The following UNC79 variants were observed in gnomAD, a reference collection of about 807,000 sequenced individuals.
The protein encoded by UNC79 is protein unc-79 homolog.
UNC79 carries 37 observed loss-of-function variants against 283.1 expected under a neutral mutation model. The ratio of observed to expected loss-of-function variants is 0.13; its 90% confidence interval spans 0.10 to 0.17. The LOEUF is 0.17. UNC79 is among the 10% of genes least tolerant of loss of function. UNC79 has a pLI of 1.00. For synonymous variants in UNC79, 1,107 were observed against 1,200.2 expected, an observed-to-expected ratio of 0.92 and a Z score of 1.61; for missense variants, 2,272 against 3,211.1, an observed-to-expected ratio of 0.71 and a Z score of 7.07.
At chr14:93,537,494 A>AGCCC (rs2061149225) in intron 11 of UNC79, among the ~76,000 whole-genome samples, 1 of 152,224 alleles carries the variant, frequency 6.6e-6, no homozygotes, top group Non-Finnish European at 1.5e-5. Context: ...GAATGCGACA[A>AGCCC]GGACAGAGGA....
chr14:93,699,260 C>T (rs2075365225), intron 47 of UNC79, among the ~76,000 whole-genome samples: 2 of 152,056 alleles, frequency 1.3e-5, no homozygotes, highest in South Asian at 4.1e-4. Context: ...TCTTTGTCTC[C>T]TGTCCTCTCT....
intron 1 of UNC79, among the ~76,000 whole-genome samples, chr14:93,380,290 T>C (rs2054640779): frequency 6.6e-6 from 1 of 152,178 alleles, no homozygotes; most frequent in Non-Finnish European, 1.5e-5. Context: ...TATATGTTTG[T>C]TGTAAAAAAT....
In UNC79 at chr14:93,641,276, A is replaced by T. The variant is rs776944408; in HGVS notation, c.5903+29A>T. On this transcript the variant is annotated intron_variant, in intron 33 of 48. Transcript: ENST00000555664. The stretch of plus-strand genomic sequence containing the variant: ...AGCTCGCACAGTTATTTTCTTCACC[A>T]TGTTTACAGAATTTAAGTTTGGTTA... The T allele has an allele frequency of 6.3e-6, 10 of 1,589,806 alleles. No homozygotes were observed. In the African/African-American group the frequency reaches 1.3e-4, roughly 21 times the overall value.
rs148721672 is a variant in UNC79 at position 93,434,836 on chromosome 14, T to C, written c.22+3785T>C. Among the ~76,000 whole-genome samples the C allele has an allele frequency of 3.1e-3, 466 of 152,310 alleles. 3 individuals carry two copies. In the South Asian group the frequency reaches 0.033, roughly 11 times the overall value. On this transcript the variant is annotated intron_variant, in intron 1 of 48. Coordinates refer to ENST00000555664, the Ensembl canonical transcript of UNC79. ...GGACTTAATAAATGTTAACAATTAT[T>C]ATCATCATCATCATCATCAAATATA...
At chr14:93,440,858 T>A (rs529585310) in intron 1 of UNC79, among the ~76,000 whole-genome samples, 1 of 152,300 alleles carries the variant, frequency 6.6e-6, no homozygotes, top group South Asian at 2.1e-4. Context: ...TTTAGTCAGT[T>A]TTTGTGAATA....
Position 93,580,129 on chromosome 14 carries a change from C to CT in UNC79, c.2434-13dup. 1 of 1,594,642 alleles carries CT rather than the reference C, an allele frequency of 6.3e-7. No homozygotes were observed. The highest frequency in any genetic ancestry group is 1.1e-5 in the South Asian group (1 of 88,296). ...TTTTTTGTGTGTGTGTGCGTGTGTC[C>CT]TTTTTTTGATGTCTTTCAGATGGAG... On this transcript the variant is annotated intron_variant, in intron 18 of 48. Transcript: ENST00000555664.
intron 1 of UNC79, among the ~76,000 whole-genome samples, chr14:93,391,574 G>A (rs1461281201): frequency 6.6e-6 from 1 of 152,166 alleles, no homozygotes; most frequent in Non-Finnish European, 1.5e-5. Context: ...TGTAACATAT[G>A]TAACTGACAA....
intron 30 of UNC79, among the ~76,000 whole-genome samples, chr14:93,625,090 A>T (rs1198884780): frequency 6.6e-6 from 1 of 152,152 alleles, no homozygotes; most frequent in Non-Finnish European, 1.5e-5. Flanking sequence ...TAGGAAATTC[A>T]TGGTCCTTCA....
intron 22 of UNC79, among the ~76,000 whole-genome samples, chr14:93,588,104 A>C (rs910470253): frequency 1.2e-4 from 18 of 151,960 alleles, no homozygotes; most frequent in African/African-American, 4.1e-4. Context: ...ATTTTGCCGG[A>C]TGGTGTGGAT....
intron 26 of UNC79, among the ~76,000 whole-genome samples, chr14:93,612,147 C>T (rs879779244): frequency 2.0e-5 from 3 of 152,218 alleles, no homozygotes; most frequent in African/African-American, 4.8e-5. Context: ...GTTCATGCTT[C>T]GCTCTCTTTC....
At chr14:93,684,869 T>C (rs1336558858) in intron 42 of UNC79, among the ~76,000 whole-genome samples, 1 of 152,230 alleles carries the variant, frequency 6.6e-6, no homozygotes, top group Non-Finnish European at 1.5e-5. Context: ...TTGAATATTT[T>C]CAACTTTTTA....
At chr14:93,662,487 CAG>C (rs1289061315) in intron 39 of UNC79, 115 bp from the exon 43 acceptor site, 17 of 694,860 alleles carry the variant, frequency 2.4e-5, no homozygotes, top group Non-Finnish European at 2.1e-5. Context: ...CACTGGGCAA[CAG>C]AGTTTTCAAT....
chr14:93,582,494 A>C, intron 20 of UNC79, 150 bp downstream of exon 20: 1 of 1,214,716 alleles, frequency 8.2e-7, no homozygotes, highest in Non-Finnish European at 1.1e-6. Flanking sequence ...CCAGCGGATT[A>C]TAAAATGAAC....
intron 1 of UNC79, among the ~76,000 whole-genome samples, chr14:93,459,032 T>G (rs2056869283): frequency 6.6e-6 from 1 of 152,184 alleles, no homozygotes; most frequent in Non-Finnish European, 1.5e-5. Flanking sequence ...AAGGCTTCAC[T>G]CAAGGCTGCA....
At chr14:93,373,841 T>A (rs1207227757) in intron 1 of UNC79, among the ~76,000 whole-genome samples, 1 of 152,170 alleles carries the variant, frequency 6.6e-6, no homozygotes, top group African/African-American at 2.4e-5. Context: ...TCAACATAGA[T>A]GCAAAAAACT....
At chr14:93,547,133 T>G (rs79568967) in intron 14 of UNC79, among the ~76,000 whole-genome samples, 1 of 152,146 alleles carries the variant, frequency 6.6e-6, no homozygotes, top group Non-Finnish European at 1.5e-5. Context: ...TGATAATATT[T>G]TGTCATTGTT....
At chr14:93,586,225 AG>A (rs1406550052) in intron 20 of UNC79, among the ~76,000 whole-genome samples, 26 of 152,190 alleles carry the variant, frequency 1.7e-4, no homozygotes, top group Admixed American at 1.5e-3. Context: ...CCAATTAGGA[AG>A]GCATAGCTAG....
chr14:93,402,305 G>GA (rs1226529529), intron 1 of UNC79, among the ~76,000 whole-genome samples: 83 of 113,094 alleles, frequency 7.3e-4, no homozygotes, highest in Middle Eastern at 5.0e-3. Flanking sequence ...GAAAAGAAAA[G>GA]AAAAAAAAAA....
intron 7 of UNC79, among the ~76,000 whole-genome samples, chr14:93,519,487 A>G (rs2060222786): frequency 6.6e-6 from 1 of 151,840 alleles, no homozygotes; most frequent in Non-Finnish European, 1.5e-5. Context: ...TGCCTTTTAG[A>G]CCATTTACAT....
Sources: gnomAD v4.1 joint callset for allele counts (sites outside exome capture counted in the v4.1 genomes callset) on GRCh38, gnomAD v4.1.1 for gene constraint, MANE v1.5 for transcripts, NCBI Gene and HGNC (gene_info 2026-07-23, HGNC 2026-07-21) for gene names.